SORCS3: variants seen among roughly 807,000 people sequenced by gnomAD.
SORCS3 encodes the protein sortilin related VPS10 domain containing receptor 3.
A neutral mutation model predicts 146.3 loss-of-function variants in SORCS3; 57 were observed. That is an observed-to-expected ratio of 0.39 (90% CI 0.31 to 0.49). The LOEUF is 0.49. Ranked by LOEUF, SORCS3 falls within the 20% of genes least tolerant of loss-of-function variation. The pLI, the probability that SORCS3 is intolerant of heterozygous loss-of-function variation, is 0.92. For synonymous variants in SORCS3, 653 were observed against 618.5 expected (o/e 1.06, Z -0.83); for missense variants, 1,341 against 1,575.5 (o/e 0.85, Z 2.52).
chr10:104,670,608 A>C (rs2015839384), intron 1 of SORCS3, among the ~76,000 whole-genome samples: 1 of 152,090 alleles, frequency 6.6e-6, no homozygotes, highest in Non-Finnish European at 1.5e-5. Context: ...TTTATTCAGG[A>C]AGTATAAGTC....
intron 1 of SORCS3, among the ~76,000 whole-genome samples, chr10:104,650,898 A>C (rs1406784575): frequency 6.6e-6 from 1 of 152,144 alleles, no homozygotes. Flanking sequence ...TCTCATTCAG[A>C]TGGTTAGAAT....
chr10:105,120,511 G>T (rs2055924544), intron 7 of SORCS3, among the ~76,000 whole-genome samples: 1 of 152,092 alleles, frequency 6.6e-6, no homozygotes, highest in Non-Finnish European at 1.5e-5. Flanking sequence ...CTAGCAAGGG[G>T]TCGTTCTTTA....
chr10:105,220,883 T>A (rs542467392), intron 19 of SORCS3, among the ~76,000 whole-genome samples: 1 of 152,126 alleles, frequency 6.6e-6, no homozygotes, highest in Non-Finnish European at 1.5e-5. Flanking sequence ...AAACAAATCA[T>A]ACAAAAATAA....
At chr10:105,183,994 C>T (rs929415640) in intron 14 of SORCS3, among the ~76,000 whole-genome samples, 15 of 152,164 alleles carry the variant, frequency 9.9e-5, no homozygotes, top group Non-Finnish European at 1.3e-4. Context: ...GCTCTGAGCT[C>T]CCGTTTCCTC....
intron 3 of SORCS3, among the ~76,000 whole-genome samples, chr10:104,972,926 G>A (rs2054869752): frequency 6.6e-6 from 1 of 152,134 alleles, no homozygotes. Flanking sequence ...TTTTGTCAAA[G>A]GCCTTTTCTG....
At chr10:104,921,798 G>T (rs1050878321) in intron 3 of SORCS3, among the ~76,000 whole-genome samples, 2 of 152,084 alleles carry the variant, frequency 1.3e-5, no homozygotes, top group Non-Finnish European at 2.9e-5. Context: ...CAGGGTTGGT[G>T]CCACTACCAC....
chr10:104,810,459 G>A (rs1244906375), intron 1 of SORCS3, among the ~76,000 whole-genome samples: 1 of 152,122 alleles, frequency 6.6e-6, no homozygotes, highest in East Asian at 1.9e-4. Context: ...CATTATACAA[G>A]TAGACATTTC....
intron 3 of SORCS3, among the ~76,000 whole-genome samples, chr10:104,942,064 G>T (rs2019325269): frequency 6.6e-6 from 1 of 152,160 alleles, no homozygotes; most frequent in Non-Finnish European, 1.5e-5. Context: ...CTTTTTAAAT[G>T]ATAAAAATAT....
At chr10:104,834,795 C>T (rs1783908838) in intron 1 of SORCS3, among the ~76,000 whole-genome samples, 1 of 151,504 alleles carries the variant, frequency 6.6e-6, no homozygotes, top group African/African-American at 2.4e-5. Context: ...AAAAAGGAAG[C>T]ATGCTATACA....
At chr10:105,010,795 G>T (rs569389507) in intron 4 of SORCS3, among the ~76,000 whole-genome samples, 11 of 152,024 alleles carry the variant, frequency 7.2e-5, no homozygotes, top group African/African-American at 2.7e-4. Context: ...GGGCAGGCTA[G>T]GGTCAAGGTG....
chr10:104,976,818 C>G (rs2054900557), intron 3 of SORCS3, among the ~76,000 whole-genome samples: 1 of 152,044 alleles, frequency 6.6e-6, no homozygotes, highest in East Asian at 1.9e-4. Context: ...AACAAAAAAC[C>G]AAACACCGCA....
At chr10:104,644,331 G>C (rs1213987524) in intron 1 of SORCS3, among the ~76,000 whole-genome samples, 1 of 152,218 alleles carries the variant, frequency 6.6e-6, no homozygotes, top group East Asian at 1.9e-4. Flanking sequence ...TGTCTCTTCT[G>C]ACCACATTTT....
intron 22 of SORCS3, among the ~76,000 whole-genome samples, chr10:105,247,748 AAAGAAG>A (rs71880366): frequency 4.0e-5 from 6 of 150,606 alleles, no homozygotes; most frequent in African/African-American, 7.3e-5. Flanking sequence ...ATTCTGTCAA[AAAGAAG>A]AAGAAGAAGA....
chr10:105,116,190 A>C (rs1436859953), intron 7 of SORCS3, among the ~76,000 whole-genome samples: 5 of 152,204 alleles, frequency 3.3e-5, no homozygotes, highest in African/African-American at 7.2e-5. Context: ...CTTTGTATGG[A>C]GCATACTCCA....
At chr10:104,971,859 C>T (rs544671080) in intron 3 of SORCS3, among the ~76,000 whole-genome samples, 101 of 151,822 alleles carry the variant, frequency 6.7e-4, no homozygotes, top group Non-Finnish European at 1.2e-3. Context: ...TATGGAAGCC[C>T]CTGGAAGAGA....
chr10:104,845,909 G>A (rs2018198374), intron 2 of SORCS3, among the ~76,000 whole-genome samples: 1 of 152,140 alleles, frequency 6.6e-6, no homozygotes, highest in African/African-American at 2.4e-5. Context: ...GGGAGGCACA[G>A]GGAGCAGCTG....
chr10:104,822,761 C>G (rs757061782), intron 1 of SORCS3, among the ~76,000 whole-genome samples: 18 of 152,168 alleles, frequency 1.2e-4, no homozygotes, highest in Non-Finnish European at 2.1e-4. Flanking sequence ...CAGCACTTTC[C>G]TGCTTGAATG....
chr10:104,694,234 T>G (rs916503263), intron 1 of SORCS3, among the ~76,000 whole-genome samples: 1 of 151,614 alleles, frequency 6.6e-6, no homozygotes, highest in African/African-American at 2.4e-5. Context: ...AAAGGTGAGA[T>G]GCAGAGCCAG....
At position 104,687,736 on chromosome 10, in the gene SORCS3, G is replaced by A. The variant is rs996355185; in HGVS notation, c.627+45782G>A. Among the ~76,000 whole-genome samples the A allele has an allele frequency of 1.6e-4, 24 of 152,146 alleles. 1 individual carries two copies. The highest frequency in any genetic ancestry group is 6.5e-5 in the Admixed American group (1 of 15,274). On this transcript the variant is annotated intron_variant, in intron 1 of 26. Transcript: ENST00000369701. The stretch of plus-strand genomic sequence containing the variant: ...TGTCAAGAGGGTGGTGGGGAGCGGA[G>A]GGCTGGAAGGCACAGGCTCTGGAGT...
Sources: allele counts gnomAD v4.1 joint callset (sites outside exome capture counted in the v4.1 genomes callset), GRCh38; gene constraint gnomAD v4.1.1; transcripts MANE v1.5; gene names NCBI Gene and HGNC (gene_info 2026-07-23, HGNC 2026-07-21).